The following TNKS variants were observed in gnomAD, a reference collection of about 807,000 sequenced individuals.
The protein encoded by TNKS is poly [ADP-ribose] polymerase tankyrase-1.
A neutral mutation model predicts 135.8 loss-of-function variants in TNKS; 72 were observed. The observed-to-expected ratio is 0.53, with a 90% CI of 0.44 to 0.64. TNKS has a LOEUF of 0.64. Among genes scored for constraint, TNKS ranks in the 30% least tolerant of loss-of-function variants. TNKS has a pLI of 0.00. For synonymous variants in TNKS, 849 were observed against 649.3 expected (o/e 1.31, Z -4.68); for missense variants, 1,769 against 1,674.0 (o/e 1.06, Z -0.99).
At chr8:9,755,316 G>A (rs1806779273) in intron 20 of TNKS, among the ~76,000 whole-genome samples, 1 of 151,938 alleles carries the variant, frequency 6.6e-6, no homozygotes, top group African/African-American at 2.4e-5. Flanking sequence ...TTTTTTTACT[G>A]CAGTTTCATT....
chr8:9,574,757 G>GT (rs1433638756), intron 1 of TNKS, among the ~76,000 whole-genome samples: 17 of 151,716 alleles, frequency 1.1e-4, no homozygotes, highest in South Asian at 6.3e-4. Context: ...AGCCTTTTTT[G>GT]TTTTTTTTGG....
chr8:9,653,726 A>C (rs558851630), intron 3 of TNKS, among the ~76,000 whole-genome samples: 5 of 152,290 alleles, frequency 3.3e-5, no homozygotes, highest in East Asian at 3.9e-4. Flanking sequence ...AAATTTCAGC[A>C]TAAATTTTGG....
At chr8:9,652,497 T>A (rs13256228) in intron 3 of TNKS, among the ~76,000 whole-genome samples, 4,503 of 152,270 alleles carry the variant, frequency 0.03, 104 homozygotes, top group Non-Finnish European at 0.043. Context: ...AGGAAAATAT[T>A]TAGGATAGTA....
At chr8:9,628,804 G>A (rs1800169266) in intron 3 of TNKS, among the ~76,000 whole-genome samples, 1 of 152,130 alleles carries the variant, frequency 6.6e-6, no homozygotes, top group Non-Finnish European at 1.5e-5. Flanking sequence ...TTGTCTGGAT[G>A]TCTCAACCTT....
At chr8:9,754,870 A>G (rs1320168759) in intron 20 of TNKS, among the ~76,000 whole-genome samples, 1 of 152,124 alleles carries the variant, frequency 6.6e-6, no homozygotes, top group Non-Finnish European at 1.5e-5. Flanking sequence ...TCTGGTTTGG[A>G]GCTTTCTTAG....
intron 3 of TNKS, among the ~76,000 whole-genome samples, chr8:9,630,606 A>G (rs1489615106): frequency 6.6e-6 from 1 of 152,236 alleles, no homozygotes; most frequent in Non-Finnish European, 1.5e-5. Flanking sequence ...AACACTTCTT[A>G]TTTATAAATT....
intron 3 of TNKS, among the ~76,000 whole-genome samples, chr8:9,678,227 G>C (rs550459096): frequency 6.6e-6 from 1 of 152,052 alleles, no homozygotes; most frequent in Non-Finnish European, 1.5e-5. Flanking sequence ...GATTTACTTT[G>C]ATCCTGGTTC....
intron 2 of TNKS, among the ~76,000 whole-genome samples, chr8:9,604,327 T>C (rs547637574): frequency 1.8e-4 from 27 of 152,244 alleles, no homozygotes; most frequent in African/African-American, 6.5e-4. Context: ...TTATTTAAAA[T>C]ATTTTAAACA....
intron 3 of TNKS, among the ~76,000 whole-genome samples, chr8:9,656,118 C>T (rs1023691470): frequency 1.1e-4 from 16 of 152,028 alleles, no homozygotes; most frequent in Non-Finnish European, 2.2e-4. Flanking sequence ...GTAGCCAATG[C>T]GATCAACTGG....
intron 25 of TNKS, among the ~76,000 whole-genome samples, chr8:9,768,555 C>G (rs1807604207): frequency 6.6e-6 from 1 of 152,354 alleles, no homozygotes; most frequent in African/African-American, 2.4e-5. Context: ...CAGACTTGAG[C>G]CAGCTCTCTA....
intron 5 of TNKS, among the ~76,000 whole-genome samples, chr8:9,687,739 A>G (rs1215665396): frequency 6.6e-6 from 1 of 152,186 alleles, no homozygotes; most frequent in African/African-American, 2.4e-5. Context: ...CAGAAGCACA[A>G]GTTTCCTGCT....
intron 17 of TNKS, among the ~76,000 whole-genome samples, chr8:9,738,999 G>A (rs1010513531): frequency 1.3e-5 from 2 of 151,950 alleles, no homozygotes; most frequent in African/African-American, 4.8e-5. Flanking sequence ...TGACAGTGGG[G>A]ACTTCATGTC....
chr8:9,628,851 A>G (rs915075727), intron 3 of TNKS, among the ~76,000 whole-genome samples: 5 of 152,078 alleles, frequency 3.3e-5, no homozygotes, highest in Admixed American at 1.3e-4. Context: ...CTCCCTATCC[A>G]ACCCTATTGC....
intron 3 of TNKS, among the ~76,000 whole-genome samples, chr8:9,661,246 A>G (rs1390321301): frequency 6.6e-6 from 1 of 152,100 alleles, no homozygotes; most frequent in Non-Finnish European, 1.5e-5. Context: ...TAAAGTTCAT[A>G]TGGAATCAAA....
intron 3 of TNKS, among the ~76,000 whole-genome samples, chr8:9,662,584 G>A (rs929309130): frequency 3.3e-5 from 5 of 152,180 alleles, no homozygotes; most frequent in African/African-American, 7.2e-5. Context: ...ATCACACACC[G>A]GGGACAGTTG....
intron 26 of TNKS, among the ~76,000 whole-genome samples, chr8:9,775,675 C>G (rs2128845195): frequency 6.6e-6 from 1 of 151,604 alleles, no homozygotes; most frequent in East Asian, 1.9e-4. Context: ...CACAAAAAAT[C>G]CTAATATTAC....
At chr8:9,671,937 C>G (rs1233291432) in intron 3 of TNKS, among the ~76,000 whole-genome samples, 2 of 152,172 alleles carry the variant, frequency 1.3e-5, no homozygotes, top group East Asian at 3.9e-4. Context: ...GATGAAATCT[C>G]ACACAGACCT....
At chr8:9,565,242 G>T (rs1243412253) in intron 1 of TNKS, among the ~76,000 whole-genome samples, 1 of 152,030 alleles carries the variant, frequency 6.6e-6, no homozygotes, top group Middle Eastern at 3.2e-3. Context: ...TTTTTGGAGT[G>T]TGTCAGCTCC....
At chr8:9,556,688 A>G in intron 1 of TNKS, 76 bp downstream of exon 1, 2 of 1,540,540 alleles carry the variant, frequency 1.3e-6, no homozygotes, top group Non-Finnish European at 1.8e-6. Context: ...AAAACAGGTT[A>G]TTGTGATGGG....
Sources: gnomAD v4.1 joint callset for allele counts (sites outside exome capture counted in the v4.1 genomes callset) on GRCh38, gnomAD v4.1.1 for gene constraint, MANE v1.5 for transcripts, NCBI Gene and HGNC (gene_info 2026-07-23, HGNC 2026-07-21) for gene names.